SERPINA12: variants seen among roughly 807,000 people sequenced by gnomAD.
SERPINA12 encodes serpin A12.
In SERPINA12, 21 loss-of-function variants were observed where a neutral mutation model predicts 25.9. That is an observed-to-expected ratio of 0.81 (90% CI 0.58 to 1.17). The LOEUF (loss-of-function observed/expected upper bound fraction) is 1.17, where lower values mean the gene tolerates loss of function less well. Ranked by LOEUF, SERPINA12 falls within the 50% of genes most tolerant of loss-of-function variation. The pLI is 0.00. For synonymous variants in SERPINA12, 220 were observed against 196.0 expected (o/e 1.12, Z -1.02); for missense variants, 562 against 508.3 (o/e 1.11, Z -1.02).
chr14:94,508,680 T>A (rs945265044), intron 1 of SERPINA12, among the ~76,000 whole-genome samples: 2 of 152,220 alleles, frequency 1.3e-5, no homozygotes, highest in African/African-American at 4.8e-5. Flanking sequence ...ACAGAATATG[T>A]AAAATTTGGA....
chr14:94,495,484 G>A (rs1900379465), intron 3 of SERPINA12, among the ~76,000 whole-genome samples: 2 of 152,154 alleles, frequency 1.3e-5, no homozygotes, highest in African/African-American at 4.8e-5. Flanking sequence ...ACCACCCATG[G>A]GTTACTAAGC....
chr14:94,497,714 A>G, intron 2 of SERPINA12, 50 bp downstream of exon 2: 1 of 1,526,538 alleles, frequency 6.6e-7, no homozygotes, highest in South Asian at 1.3e-5. Context: ...TTTTAACCCA[A>G]GTCTAGTGGT....
At chr14:94,511,771 G>T, upstream of SERPINA12, 11 of 959,812 alleles carry the variant, frequency 1.1e-5, no homozygotes, top group Non-Finnish European at 1.4e-5. Flanking sequence ...GTGTGGGGGA[G>T]AGAGAAATAA....
At chr14:94,494,123 G>A (rs1037578602) in intron 3 of SERPINA12, among the ~76,000 whole-genome samples, 1 of 152,204 alleles carries the variant, frequency 6.6e-6, no homozygotes, top group Non-Finnish European at 1.5e-5. Context: ...ATATTCTGGA[G>A]TCCATGTCTC....
Position 94,487,279 on chromosome 14 carries a change from T to A in SERPINA12, c.*24A>T. The A allele has an allele frequency of 6.3e-7, 1 of 1,597,416 alleles. No individual in the cohort carries two copies. Among genetic ancestry groups the A allele is most frequent in the South Asian group, 1.1e-5 (1 of 88,746 alleles). ...GTTCAACCCCAAGCCATGTTCGGGG[T>A]CTGTGGCAAGCAGGAATTCTCCTTT... On this transcript the variant is annotated 3_prime_UTR_variant, in exon 5 of 5. Transcript: ENST00000677451.
chr14:94,494,152 A>T (rs191763394), intron 3 of SERPINA12, among the ~76,000 whole-genome samples: 243 of 152,314 alleles, frequency 1.6e-3, no homozygotes, highest in African/African-American at 5.1e-3. Context: ...AGACTTCTGG[A>T]TGAAGTGGGG....
chr14:94,489,097 A>G (rs1900027692), intron 4 of SERPINA12, among the ~76,000 whole-genome samples: 1 of 151,886 alleles, frequency 6.6e-6, no homozygotes, highest in African/African-American at 2.4e-5. Flanking sequence ...ACTCCTTCAA[A>G]AAACAAAATA....
chr14:94,506,437 G>T (rs77060950), intron 1 of SERPINA12, among the ~76,000 whole-genome samples: 6,777 of 152,268 alleles, frequency 0.045, 275 homozygotes, highest in African/African-American at 0.097. Context: ...AGAGGCACCT[G>T]ATCCTAGCTG....
upstream of SERPINA12, among the ~76,000 whole-genome samples, chr14:94,509,575 C>T (rs1016280482): frequency 2.0e-5 from 3 of 152,222 alleles, no homozygotes; most frequent in African/African-American, 7.2e-5. Flanking sequence ...CAGGATCAGC[C>T]TGGCCAACTG....
At position 94,501,325 on chromosome 14, in the gene SERPINA12, A is replaced by G. The variant is rs570756067; in HGVS notation, c.-33-2895T>C. ...GCAGCGGTGAAACCAGCAGCCTGGC[A>G]GGAGCCTTGGAGGAGGCCGGGCAGG... On this transcript the variant is annotated intron_variant, in intron 1 of 4. Coordinates refer to ENST00000677451, the MANE Select transcript of SERPINA12 (RefSeq NM_001382267.1). Among the ~76,000 whole-genome samples, 7 of 152,296 alleles carry G rather than the reference A, an allele frequency of 4.6e-5. No homozygotes were observed. In the South Asian group the frequency reaches 8.3e-4, roughly 18 times the overall value.
intron 1 of SERPINA12, among the ~76,000 whole-genome samples, chr14:94,502,754 A>G (rs944914978): frequency 1.3e-5 from 2 of 152,254 alleles, no homozygotes; most frequent in Admixed American, 1.3e-4. Context: ...AATGCTTTGG[A>G]CAAGTTCCCA....
rs116252237 is a variant in SERPINA12 at position 94,503,841 on chromosome 14, G to A, written c.-33-5411C>T. Among the ~76,000 whole-genome samples, 9 of 152,312 alleles carry A rather than the reference G, an allele frequency of 5.9e-5. No individual in the cohort carries two copies. The South Asian group carries it at 8.3e-4, about 14-fold the overall frequency. ...CTGTGGCCAGCATCATGCAGCAGGG[G>A]TGGACCCAAATTGGAGGCACCACTT... On this transcript the variant is annotated intron_variant, in intron 1 of 4. Transcript: ENST00000677451.
intron 1 of SERPINA12, among the ~76,000 whole-genome samples, chr14:94,508,691 A>G (rs1901017111): frequency 6.6e-6 from 1 of 152,232 alleles, no homozygotes; most frequent in African/African-American, 2.4e-5. Context: ...AAAATTTGGA[A>G]TCACAAATTG....
At chr14:94,513,727 T>TA (rs1386899820), upstream of SERPINA12, among the ~76,000 whole-genome samples, 1 of 152,174 alleles carries the variant, frequency 6.6e-6, no homozygotes, top group African/African-American at 2.4e-5. Flanking sequence ...GATGAATTTT[T>TA]AAAAAATTAC....
upstream of SERPINA12, among the ~76,000 whole-genome samples, chr14:94,511,103 G>A (rs115751185): frequency 0.011 from 1,657 of 152,126 alleles, 30 homozygotes; most frequent in African/African-American, 0.036. Context: ...TTTAAAAAGA[G>A]CATTTCAGAA....
chr14:94,502,122 A>G (rs1214760872), intron 1 of SERPINA12, among the ~76,000 whole-genome samples: 3 of 152,084 alleles, frequency 2.0e-5, no homozygotes, highest in Non-Finnish European at 4.4e-5. Flanking sequence ...CAAGAAAAAA[A>G]AAAGAACAAG....
intron 4 of SERPINA12, among the ~76,000 whole-genome samples, chr14:94,489,210 AG>A: frequency 8.0e-6 from 1 of 125,170 alleles, no homozygotes. Flanking sequence ...AGAAAGAAAG[AG>A]AGAAAGAGAG....
chr14:94,490,320 C>T (rs147364924), intron 3 of SERPINA12, among the ~76,000 whole-genome samples: 4 of 152,248 alleles, frequency 2.6e-5, no homozygotes, highest in East Asian at 3.9e-4. Flanking sequence ...ACAGTTGGTG[C>T]GTAGCAGGTG....
chr14:94,508,651 T>G (rs1331323846), intron 1 of SERPINA12, among the ~76,000 whole-genome samples: 1 of 152,240 alleles, frequency 6.6e-6, no homozygotes, highest in African/African-American at 2.4e-5. Flanking sequence ...ACCATCTTTT[T>G]GCAACGTGTT....
Sources: gnomAD v4.1 joint callset for allele counts (sites outside exome capture counted in the v4.1 genomes callset) on GRCh38, gnomAD v4.1.1 for gene constraint, MANE v1.5 for transcripts, NCBI Gene and HGNC (gene_info 2026-07-23, HGNC 2026-07-21) for gene names.